GSTCD: variants seen among roughly 807,000 people sequenced by gnomAD.
GSTCD encodes glutathione S-transferase C-terminal domain containing, also known as glutathione S-transferase C-terminal domain-containing protein.
In GSTCD, 44 loss-of-function variants were observed where a neutral mutation model predicts 68.3. The observed-to-expected ratio is 0.64, with a 90% CI of 0.51 to 0.83. The LOEUF is 0.83. Ranked by LOEUF, GSTCD falls within the 40% of genes least tolerant of loss-of-function variation. The pLI is 0.00. For missense variants in GSTCD, 739 were observed against 735.9 expected (o/e 1.00, Z -0.05); for synonymous variants, 273 against 255.2 (o/e 1.07, Z -0.67).
intron 5 of GSTCD, chr4:105,746,222 G>A (rs1733797633): frequency 6.6e-6 from 1 of 152,116 alleles, no homozygotes; most frequent in Non-Finnish European, 1.5e-5. Flanking sequence ...AAGTAAGCTT[G>A]AGAAAAGGTG....
At chr4:105,821,644 A>G (rs1723297836) in intron 5 of GSTCD, among the ~76,000 whole-genome samples, 1 of 151,938 alleles carries the variant, frequency 6.6e-6, no homozygotes, top group Non-Finnish European at 1.5e-5. Flanking sequence ...TACTTCAATT[A>G]TAGTGTATAT....
At chr4:105,819,171 C>T (rs775246853) in intron 5 of GSTCD, among the ~76,000 whole-genome samples, 3 of 151,684 alleles carry the variant, frequency 2.0e-5, no homozygotes, top group South Asian at 2.1e-4. Context: ...TGTATTTTCA[C>T]GTCAATCTGA....
At chr4:105,767,358 G>C (rs1231980000) in intron 5 of GSTCD, among the ~76,000 whole-genome samples, 1 of 152,090 alleles carries the variant, frequency 6.6e-6, no homozygotes, top group Non-Finnish European at 1.5e-5. Context: ...CATAAAATAT[G>C]TAAGGAGTAA....
At chr4:105,785,381 C>CAAT in intron 5 of GSTCD, among the ~76,000 whole-genome samples, 1 of 152,096 alleles carries the variant, frequency 6.6e-6, no homozygotes, top group East Asian at 1.9e-4. Context: ...ATAACCAAAT[C>CAAT]AATTTACCCT....
At chr4:105,791,392 C>CAAAAAAA (rs56388145) in intron 5 of GSTCD, among the ~76,000 whole-genome samples, 4 of 57,306 alleles carry the variant, frequency 7.0e-5, no homozygotes, top group Admixed American at 1.8e-4. Flanking sequence ...GACTCCGTCT[C>CAAAAAAA]AAAAAAAAAA....
At chr4:105,789,052 C>T (rs947319939) in intron 5 of GSTCD, among the ~76,000 whole-genome samples, 1 of 151,996 alleles carries the variant, frequency 6.6e-6, no homozygotes, top group Non-Finnish European at 1.5e-5. Context: ...TTTAAAACTA[C>T]CATAGATTTT....
chr4:105,771,823 G>A (rs962460558), intron 5 of GSTCD, among the ~76,000 whole-genome samples: 3 of 152,034 alleles, frequency 2.0e-5, no homozygotes, highest in South Asian at 2.1e-4. Context: ...AGATTTGTTC[G>A]TTTTGCTTAG....
rs747197590 is a variant in GSTCD at position 105,713,523 on chromosome 4, T to C, written c.-21-4070T>C. 4.6e-4 allele frequency among the ~76,000 whole-genome samples: 70 copies of C among 152,236 alleles called. 1 individual carries two copies. The highest frequency in any genetic ancestry group is 3.2e-3 in the Middle Eastern group (1 of 316). ...TATTAGAACAATACCTATTCTTAAATGTCTCTAAATAAGATCTTTTATGAA... is the reference window on the plus strand; with the variant it reads ...TATTAGAACAATACCTATTCTTAAACGTCTCTAAATAAGATCTTTTATGAA... On this transcript the variant is annotated intron_variant, in intron 1 of 11. Transcript: ENST00000515279.
At chr4:105,805,068 A>G (rs987575438) in intron 5 of GSTCD, among the ~76,000 whole-genome samples, 1 of 152,142 alleles carries the variant, frequency 6.6e-6, no homozygotes, top group Admixed American at 6.5e-5. Context: ...ACATAGGTCA[A>G]TAAGCTAAAT....
chr4:105,838,640 A>G (rs1349266965), intron 10 of GSTCD, among the ~76,000 whole-genome samples: 1 of 152,226 alleles, frequency 6.6e-6, no homozygotes, highest in Non-Finnish European at 1.5e-5. Context: ...AAGAAACACA[A>G]GAGACCCACA....
chr4:105,735,080 T>G (rs1314958937), intron 5 of GSTCD, among the ~76,000 whole-genome samples: 1 of 152,172 alleles, frequency 6.6e-6, no homozygotes, highest in Admixed American at 6.5e-5. Flanking sequence ...TTAGGTGTCA[T>G]TCTGCCCCTA....
At chr4:105,738,029 C>A (rs549303073) in intron 5 of GSTCD, among the ~76,000 whole-genome samples, 3 of 152,188 alleles carry the variant, frequency 2.0e-5, no homozygotes, top group Non-Finnish European at 4.4e-5. Context: ...GTGATGCCTG[C>A]TCCCTTTTGC....
chr4:105,754,658 TA>T (rs985273731), intron 5 of GSTCD, among the ~76,000 whole-genome samples: 7 of 152,112 alleles, frequency 4.6e-5, no homozygotes, highest in African/African-American at 1.7e-4. Flanking sequence ...AAAAACAAAT[TA>T]TTTTATATGA....
chr4:105,771,701 A>G (rs921411812), intron 5 of GSTCD, among the ~76,000 whole-genome samples: 7 of 152,100 alleles, frequency 4.6e-5, no homozygotes, highest in African/African-American at 1.7e-4. Context: ...GTTACTTCTG[A>G]GGCCTCTGTT....
intron 5 of GSTCD, among the ~76,000 whole-genome samples, chr4:105,769,252 C>T (rs1734746024): frequency 6.6e-6 from 1 of 151,482 alleles, no homozygotes; most frequent in Non-Finnish European, 1.5e-5. Context: ...CACACACACA[C>T]ACACACACAC....
chr4:105,775,100 T>G (rs924514173), intron 5 of GSTCD, among the ~76,000 whole-genome samples: 5 of 152,180 alleles, frequency 3.3e-5, no homozygotes, highest in African/African-American at 1.2e-4. Context: ...TTTATTTCAT[T>G]ACATTGATCG....
At chr4:105,716,911 T>C (rs1347953070) in intron 1 of GSTCD, among the ~76,000 whole-genome samples, 1 of 152,014 alleles carries the variant, frequency 6.6e-6, no homozygotes, top group Non-Finnish European at 1.5e-5. Flanking sequence ...TGGGAAGACC[T>C]TGGAGGGTTT....
chr4:105,786,269 C>T (rs940212025), intron 5 of GSTCD, among the ~76,000 whole-genome samples: 4 of 151,014 alleles, frequency 2.6e-5, no homozygotes, highest in Non-Finnish European at 5.9e-5. Flanking sequence ...CTAGCACTTT[C>T]GGAGGCTGAG....
chr4:105,767,795 CT>C (rs1325146239), intron 5 of GSTCD, among the ~76,000 whole-genome samples: 1 of 152,124 alleles, frequency 6.6e-6, no homozygotes, highest in Non-Finnish European at 1.5e-5. Context: ...GACTGGTTCC[CT>C]TACAATTCAC....
Sources: gnomAD v4.1 joint callset for allele counts (sites outside exome capture counted in the v4.1 genomes callset) on GRCh38, gnomAD v4.1.1 for gene constraint, MANE v1.5 for transcripts, NCBI Gene and HGNC (gene_info 2026-07-23, HGNC 2026-07-21) for gene names.